The following EPYC variants were observed in gnomAD, a reference collection of about 807,000 sequenced individuals.
EPYC encodes the protein epiphycan, also known as dermatan sulfate proteoglycan 3.
In EPYC, 28 loss-of-function variants were observed where a neutral mutation model predicts 30.1. The observed-to-expected ratio is 0.93, with a 90% CI of 0.69 to 1.28. The LOEUF (loss-of-function observed/expected upper bound fraction) is 1.28. Among genes scored for constraint, EPYC ranks in the 50% most tolerant of loss-of-function variants. The probability of loss-of-function intolerance (pLI) is 0.00; values close to 1 mark genes in which losing one functional copy is unlikely to be tolerated. For missense variants in EPYC, 382 were observed against 383.5 expected, an observed-to-expected ratio of 1.00 and a Z score of 0.03; for synonymous variants, 144 against 141.4, an observed-to-expected ratio of 1.02 and a Z score of -0.13.
intron 2 of EPYC, among the ~76,000 whole-genome samples, chr12:90,987,928 C>G (rs1411395832): frequency 2.0e-5 from 3 of 152,104 alleles, no homozygotes. Flanking sequence ...ACACTCCTTA[C>G]AATTTTGACT....
chr12:90,980,084 C>A (rs2120831034), intron 2 of EPYC, among the ~76,000 whole-genome samples: 1 of 152,140 alleles, frequency 6.6e-6, no homozygotes, highest in East Asian at 1.9e-4. Flanking sequence ...GAGGCAGATT[C>A]AGAAGGAATG....
Position 90,971,786 on chromosome 12 carries a change from A to C in EPYC, c.702+14T>G, listed in dbSNP as rs376376351. ...TTGGAAGATAAAAGTCTGCATATCA[A>C]ACTTAAAACTTACTTTAAATGCTTC... On this transcript the variant is annotated intron_variant, in intron 5 of 6. Transcript: ENST00000261172. 3 of 1,529,524 alleles carry C rather than the reference A, an allele frequency of 2.0e-6. No homozygotes were observed. The highest frequency in any genetic ancestry group is 1.8e-6 in the Non-Finnish European group (2 of 1,135,068). The allele number at this position is 1,529,524 out of a possible 1,614,324, so 94.7% of individuals were successfully genotyped here.
At chr12:90,979,425 A>G (rs1877272678) in intron 2 of EPYC, among the ~76,000 whole-genome samples, 1 of 152,152 alleles carries the variant, frequency 6.6e-6, no homozygotes, top group Admixed American at 6.6e-5. Context: ...AGTGATCTGC[A>G]AACTATTCCT....
At chr12:90,972,049 C>A in intron 4 of EPYC, 47 bp from the exon 5 acceptor site, 1 of 1,164,340 alleles carries the variant, frequency 8.6e-7, no homozygotes, top group South Asian at 1.6e-5. Flanking sequence ...TTGTTTTGCT[C>A]ACATAAAAAT....
chr12:90,993,934 A>G (rs1877642625), intron 2 of EPYC, among the ~76,000 whole-genome samples: 1 of 152,144 alleles, frequency 6.6e-6, no homozygotes, highest in African/African-American at 2.4e-5. Context: ...ATTTAAAACT[A>G]ATAACAGATT....
intron 5 of EPYC, among the ~76,000 whole-genome samples, chr12:90,971,166 T>C (rs59846310): frequency 6.6e-6 from 1 of 152,062 alleles, no homozygotes; most frequent in Non-Finnish European, 1.5e-5. Context: ...TCAATACAGA[T>C]TCTCTGGCTT....
intron 2 of EPYC, among the ~76,000 whole-genome samples, chr12:90,994,168 A>G (rs933804241): frequency 2.0e-5 from 3 of 152,124 alleles, no homozygotes; most frequent in African/African-American, 7.2e-5. Flanking sequence ...TCAGCAAAAG[A>G]TTGGTAAGTG....
intron 2 of EPYC, among the ~76,000 whole-genome samples, chr12:90,989,166 A>G (rs1218308262): frequency 6.6e-6 from 1 of 152,082 alleles, no homozygotes; most frequent in Non-Finnish European, 1.5e-5. Flanking sequence ...GACTAATTAT[A>G]GGTTGATTTA....
chr12:90,969,692 T>G (rs544726352), intron 6 of EPYC, among the ~76,000 whole-genome samples: 1 of 152,290 alleles, frequency 6.6e-6, no homozygotes, highest in African/African-American at 2.4e-5. Context: ...AGTTAGATTT[T>G]TATTTCTCCC....
intron 6 of EPYC, 98 bp from the exon 7 acceptor site, chr12:90,964,424 T>G (rs1444035586): frequency 2.6e-5 from 22 of 855,380 alleles, no homozygotes; most frequent in Non-Finnish European, 3.4e-5. Context: ...TTTATTCTTT[T>G]GTTATTTTCC....
At chr12:90,986,475 C>A (rs1051608561) in intron 2 of EPYC, among the ~76,000 whole-genome samples, 8 of 152,122 alleles carry the variant, frequency 5.3e-5, no homozygotes, top group Non-Finnish European at 8.8e-5. Context: ...TTGTATCCAA[C>A]CCCTATACTC....
chr12:90,965,889 T>A (rs755755349), intron 6 of EPYC, among the ~76,000 whole-genome samples: 21 of 152,180 alleles, frequency 1.4e-4, no homozygotes, highest in Admixed American at 2.6e-4. Context: ...GTGACTATTA[T>A]AAACAGGATT....
intron 2 of EPYC, among the ~76,000 whole-genome samples, chr12:90,979,066 A>AT (rs1464860031): frequency 1.3e-5 from 2 of 152,136 alleles, no homozygotes; most frequent in African/African-American, 4.8e-5. Context: ...TAACTTGTAC[A>AT]TTTTAAGTAA....
At chr12:90,968,554 C>CAT (rs1023598772) in intron 6 of EPYC, among the ~76,000 whole-genome samples, 6 of 152,038 alleles carry the variant, frequency 3.9e-5, no homozygotes, top group East Asian at 1.9e-4. Context: ...TAAAAACAGA[C>CAT]ATATATATAT....
At chr12:90,965,318 C>T (rs1467955489) in intron 6 of EPYC, among the ~76,000 whole-genome samples, 1 of 152,106 alleles carries the variant, frequency 6.6e-6, no homozygotes, top group Non-Finnish European at 1.5e-5. Context: ...CTTCTGTTAA[C>T]ATTTGTGTAA....
intron 2 of EPYC, among the ~76,000 whole-genome samples, chr12:90,984,567 A>G (rs1181864332): frequency 2.0e-5 from 3 of 152,146 alleles, no homozygotes; most frequent in Non-Finnish European, 4.4e-5. Flanking sequence ...ACTATCCTGC[A>G]GCTTGATCTT....
chr12:90,974,067 CACACA>C, intron 3 of EPYC, among the ~76,000 whole-genome samples: 1 of 147,770 alleles, frequency 6.8e-6, no homozygotes, highest in Non-Finnish European at 1.5e-5. Context: ...CACACACACA[CACACA>C]CCCCTACCTC....
chr12:90,964,554 G>A (rs1002739123), intron 6 of EPYC, among the ~76,000 whole-genome samples: 1 of 152,038 alleles, frequency 6.6e-6, no homozygotes, highest in African/African-American at 2.4e-5. Context: ...TACAATTTGA[G>A]GTGAGAAAAC....
At chr12:90,980,740 A>T (rs1362397585) in intron 2 of EPYC, among the ~76,000 whole-genome samples, 1 of 152,190 alleles carries the variant, frequency 6.6e-6, no homozygotes, top group Non-Finnish European at 1.5e-5. Context: ...CTTGAATGTA[A>T]ACATAATTGA....
Sources: gnomAD v4.1 joint callset for allele counts (sites outside exome capture counted in the v4.1 genomes callset) on GRCh38, gnomAD v4.1.1 for gene constraint, MANE v1.5 for transcripts, NCBI Gene and HGNC (gene_info 2026-07-23, HGNC 2026-07-21) for gene names.